ARHGAP35: variants seen among roughly 807,000 people sequenced by gnomAD.
ARHGAP35 encodes Rho GTPase activating protein 35.
Under a neutral mutation model 111.1 loss-of-function variants are expected in ARHGAP35, and 15 were observed. That is an observed-to-expected ratio of 0.13 (90% confidence interval 0.09 to 0.21). The LOEUF is 0.21. ARHGAP35 is among the 10% of genes least tolerant of loss of function. The probability of loss-of-function intolerance (pLI) is 1.00; values close to 1 mark genes in which losing one functional copy is unlikely to be tolerated. For synonymous variants in ARHGAP35, 643 were observed against 710.3 expected, an observed-to-expected ratio of 0.91 and a Z score of 1.51; for missense variants, 1,262 against 1,873.0, an observed-to-expected ratio of 0.67 and a Z score of 6.02.
intron 5 of ARHGAP35, among the ~76,000 whole-genome samples, chr19:46,995,805 G>A (rs2056704291): frequency 6.6e-6 from 1 of 152,258 alleles, no homozygotes; most frequent in African/African-American, 2.4e-5. Context: ...CCCCAGAGAG[G>A]CCCTAGAGGG....
chr19:46,932,580 T>G (rs541592741), intron 2 of ARHGAP35, among the ~76,000 whole-genome samples: 81 of 152,228 alleles, frequency 5.3e-4, no homozygotes, highest in African/African-American at 1.9e-3. Context: ...ATGCCTGAAG[T>G]GTTGTTTCTA....
At chr19:46,928,922 A>G in intron 2 of ARHGAP35, among the ~76,000 whole-genome samples, 1 of 150,614 alleles carries the variant, frequency 6.6e-6, no homozygotes, top group Non-Finnish European at 1.5e-5. Flanking sequence ...ACAGAGGGAG[A>G]CGGTCTCAAA....
intron 3 of ARHGAP35, among the ~76,000 whole-genome samples, chr19:46,976,080 T>C (rs961977372): frequency 6.6e-6 from 1 of 152,222 alleles, no homozygotes; most frequent in African/African-American, 2.4e-5. Context: ...ATATGAGGTA[T>C]ACTGTTTCAT....
intron 1 of ARHGAP35, among the ~76,000 whole-genome samples, chr19:46,891,939 G>A (rs927195400): frequency 2.0e-5 from 3 of 151,656 alleles, no homozygotes; most frequent in Non-Finnish European, 4.4e-5. Flanking sequence ...TCAGGAGTTC[G>A]AGACCAGCCT....
Position 46,918,065 on chromosome 19 carries a change from TG to T in ARHGAP35, c.-188-422del, listed in dbSNP as rs1203496494. 6.6e-6 allele frequency among the ~76,000 whole-genome samples: 1 copy of T among 152,162 alleles called. No homozygotes were observed. The highest frequency in any genetic ancestry group is 1.5e-5 in the Non-Finnish European group (1 of 68,030). Reference sequence around the variant, plus strand: ...ATAATTCATTACCATACTTAATTATTGTGGCGCTCAAATTGTCCCAGAGTTG... The same window carrying T: ...ATAATTCATTACCATACTTAATTATTTGGCGCTCAAATTGTCCCAGAGTTG... On this transcript the variant is annotated intron_variant, in intron 1 of 6. Coordinates refer to ENST00000672722, the MANE Select transcript of ARHGAP35 (RefSeq NM_004491.5). The surrounding 1 kb of genome is among the most constrained non-coding windows in gnomAD (Gnocchi z 5.4).
chr19:46,973,871 G>A (rs1161700996), intron 3 of ARHGAP35, among the ~76,000 whole-genome samples: 2 of 151,842 alleles, frequency 1.3e-5, no homozygotes, highest in Middle Eastern at 3.4e-3. Flanking sequence ...GCATGATAGC[G>A]GACACCTGTA....
At chr19:46,980,206 G>A (rs1160703731) in intron 3 of ARHGAP35, among the ~76,000 whole-genome samples, 1 of 152,080 alleles carries the variant, frequency 6.6e-6, no homozygotes, top group African/African-American at 2.4e-5. Context: ...CCAACATGGT[G>A]AAACCTCGTC....
intron 3 of ARHGAP35, among the ~76,000 whole-genome samples, chr19:46,950,770 G>T (rs1335995594): frequency 6.6e-6 from 1 of 152,158 alleles, no homozygotes; most frequent in Admixed American, 6.5e-5. Flanking sequence ...TTGAGTCTGT[G>T]GTTTGCACAC....
intron 1 of ARHGAP35, among the ~76,000 whole-genome samples, chr19:46,878,519 A>G (rs1247826357): frequency 1.3e-5 from 2 of 152,074 alleles, no homozygotes; most frequent in African/African-American, 2.4e-5. Flanking sequence ...GGGTTTCGCC[A>G]TGTTGGCCAG....
chr19:46,888,789 C>T (rs549147263), intron 1 of ARHGAP35, among the ~76,000 whole-genome samples: 3 of 139,614 alleles, frequency 2.1e-5, no homozygotes, highest in Admixed American at 7.6e-5. Context: ...GCCAGGAGAT[C>T]GAGACCATCC....
chr19:46,998,982 G>A (rs1474336092), intron 5 of ARHGAP35: 3 of 288,800 alleles, frequency 1.0e-5, no homozygotes, highest in East Asian at 6.2e-5. Context: ...GTCTCCAGGG[G>A]CAACCGGATG....
intron 5 of ARHGAP35, among the ~76,000 whole-genome samples, chr19:46,991,683 G>A (rs139806612): frequency 1.9e-3 from 291 of 152,338 alleles, no homozygotes; most frequent in African/African-American, 6.6e-3. Context: ...CACCTCTCCC[G>A]GCCATAGCAG....
At chr19:46,967,971 G>A (rs904822451) in intron 3 of ARHGAP35, among the ~76,000 whole-genome samples, 2 of 152,168 alleles carry the variant, frequency 1.3e-5, no homozygotes, top group Non-Finnish European at 2.9e-5. Flanking sequence ...CTTTCCCAGT[G>A]AACACGTAGC....
intron 3 of ARHGAP35, among the ~76,000 whole-genome samples, chr19:46,975,853 G>A (rs1424197357): frequency 1.3e-5 from 2 of 152,160 alleles, no homozygotes; most frequent in African/African-American, 2.4e-5. Context: ...GAGAGTTGGC[G>A]GGACGAGAGC....
Position 46,922,335 on chromosome 19 carries a change from C to G in ARHGAP35, c.3660C>G (p.Arg1220=), listed in dbSNP as rs1418166597. 1 of 1,605,116 alleles carries G rather than the reference C, an allele frequency of 6.2e-7. No homozygotes were observed. The highest frequency in any genetic ancestry group is 1.3e-5 in the African/African-American group (1 of 74,764). The change falls in exon 2 of 7, where the codon CGC becomes CGG. Residue 1220 remains arginine, a synonymous_variant. Coordinates refer to ENST00000672722, the MANE Select transcript of ARHGAP35 (RefSeq NM_004491.5). The surrounding 1 kb of genome is among the most constrained non-coding windows in gnomAD (Gnocchi z 4.0). ...DEDPRRRNIL[R]SLRRNTKKPK... ...ACCCGCGGAGGAGGAATATTCTTCG[C>G]AGCCTAAGGAGGAACACTAAGGTAA...
At chr19:46,891,700 C>T (rs1187142120) in intron 1 of ARHGAP35, among the ~76,000 whole-genome samples, 2 of 152,096 alleles carry the variant, frequency 1.3e-5, no homozygotes, top group African/African-American at 4.8e-5. Flanking sequence ...GCTGGGATTA[C>T]AGGCATGAGC....
intron 1 of ARHGAP35, among the ~76,000 whole-genome samples, chr19:46,875,280 C>T (rs1236913790): frequency 6.6e-6 from 1 of 152,122 alleles, no homozygotes; most frequent in Non-Finnish European, 1.5e-5. Context: ...GGTTGGCGTT[C>T]AGACATCAGG....
At chr19:46,912,264 A>G (rs1210522334) in intron 1 of ARHGAP35, among the ~76,000 whole-genome samples, 1 of 151,778 alleles carries the variant, frequency 6.6e-6, no homozygotes, top group Non-Finnish European at 1.5e-5. Context: ...GGCTGGTCTC[A>G]AACTCCTGAC....
In ARHGAP35 at chr19:46,921,858, A is replaced by T; in HGVS notation, c.3183A>T (p.Gln1061His). Residue 1061 changes from glutamine to histidine, a missense_variant, in exon 2 of 7, where the codon CAA (glutamine) becomes CAT (histidine). By Grantham distance (24) the Gln-to-His change is conservative. Coordinates refer to ENST00000672722, the MANE Select transcript of ARHGAP35 (RefSeq NM_004491.5). This position sits in a 1 kb window ranked among gnomAD's most constrained non-coding sequence, Gnocchi z 4.3. The part of the protein sequence containing the change: ...ITKGDLSYLD[Q>H]GHRDGQRKSV... Reference sequence around the variant, plus strand: ...AGGGGGATCTATCTTATTTAGACCAAGGCCATAGGGATGGACAGAGGAAGT... The same window carrying T: ...AGGGGGATCTATCTTATTTAGACCATGGCCATAGGGATGGACAGAGGAAGT... The T allele has an allele frequency of 2.5e-6, 4 of 1,614,028 alleles. No homozygotes were observed. Among genetic ancestry groups the T allele is most frequent in the Non-Finnish European group, 8.5e-7 (1 of 1,179,882 alleles).
Sources: gnomAD v4.1 joint callset for allele counts (sites outside exome capture counted in the v4.1 genomes callset) on GRCh38, gnomAD v4.1.1 for gene constraint, Gnocchi (gnomAD v3.1) non-coding constraint, MANE v1.5 for transcripts, NCBI Gene and HGNC (gene_info 2026-07-23, HGNC 2026-07-21) for gene names.